Variants in SSMEM1 observed in about 807,000 individuals in gnomAD.
SSMEM1 encodes the protein serine-rich single-pass membrane protein 1.
A neutral mutation model predicts 9.9 loss-of-function variants in SSMEM1; 12 were observed. The ratio of observed to expected loss-of-function variants is 1.21; its 90% CI spans 0.78 to 1.96. The LOEUF is 1.96. Among genes scored for constraint, SSMEM1 ranks in the 30% most tolerant of loss-of-function variants. The pLI, the probability that SSMEM1 is intolerant of heterozygous loss-of-function variation, is 0.00. For synonymous variants in SSMEM1, 96 were observed against 98.9 expected, an observed-to-expected ratio of 0.97 and a Z score of 0.17; for missense variants, 259 against 292.2, an observed-to-expected ratio of 0.89 and a Z score of 0.83.
At chr7:130,209,602 C>T (rs991318537) in intron 1 of SSMEM1, among the ~76,000 whole-genome samples, 13 of 152,092 alleles carry the variant, frequency 8.5e-5, no homozygotes, top group African/African-American at 3.1e-4. Context: ...TTTTTTGAGA[C>T]GGAGTCTCGC....
At chr7:130,210,004 T>C (rs1264312673) in intron 1 of SSMEM1, among the ~76,000 whole-genome samples, 2 of 152,224 alleles carry the variant, frequency 1.3e-5, no homozygotes, top group Non-Finnish European at 2.9e-5. Flanking sequence ...AAGTTATCAT[T>C]ATCCCTCCCC....
upstream of SSMEM1, among the ~76,000 whole-genome samples, chr7:130,206,417 C>T (rs1394726645): frequency 6.6e-6 from 1 of 152,160 alleles, no homozygotes; most frequent in African/African-American, 2.4e-5. Flanking sequence ...CTGAAGTGTG[C>T]CTCCTAATAA....
Position 130,216,489 on chromosome 7 carries a change from T to C in SSMEM1, c.*19T>C. 6.2e-7 allele frequency: 1 copy of C among 1,604,180 alleles called. No individual in the cohort carries two copies. Among genetic ancestry groups the C allele is most frequent in the Admixed American group, 1.7e-5 (1 of 59,210 alleles). ...ATTTTGAATTTTATCACGTTCTTCC[T>C]TCACTTGAAGCCAAATGAAAGAGAT... On this transcript the variant is annotated 3_prime_UTR_variant, in exon 3 of 3. Transcript: ENST00000297819.
Position 130,216,157 on chromosome 7 carries a change from A to G in SSMEM1, c.422A>G (p.Asn141Ser). Residue 141 changes from asparagine to serine, a missense_variant, in exon 3 of 3, where the codon AAC becomes AGC. Asn to Ser is a conservative substitution (Grantham distance 46). Coordinates refer to ENST00000297819, the MANE Select transcript of SSMEM1 (RefSeq NM_145268.4). ...TCTCAGTTCAATGAGGTGAACCAGA[A>G]CCAACATGACAGTGATACTACGGAG... ...RQSQFNEVNQ[N>S]QHDSDTTEYG... is the part of the protein sequence containing the mutation. The G allele has an allele frequency of 1.2e-6, 2 of 1,614,204 alleles. No homozygotes were observed. The highest frequency in any genetic ancestry group is 1.7e-6 in the Non-Finnish European group (2 of 1,180,032).
chr7:130,215,442 C>G (rs1798686183), intron 2 of SSMEM1, among the ~76,000 whole-genome samples: 1 of 152,074 alleles, frequency 6.6e-6, no homozygotes, highest in Non-Finnish European at 1.5e-5. Context: ...TGAGTATTAC[C>G]TCTATTTTTA....
intron 2 of SSMEM1, among the ~76,000 whole-genome samples, chr7:130,214,678 T>A (rs1798669265): frequency 6.6e-6 from 1 of 152,200 alleles, no homozygotes; most frequent in African/African-American, 2.4e-5. Flanking sequence ...ATGTTGGAAC[T>A]TAACTTGGTT....
chr7:130,207,132 T>C (rs1460204355), upstream of SSMEM1, among the ~76,000 whole-genome samples: 1 of 152,210 alleles, frequency 6.6e-6, no homozygotes. Context: ...CTATAAGCTG[T>C]TGTGCATTTA....
At chr7:130,209,956 A>G (rs149688700) in intron 1 of SSMEM1, among the ~76,000 whole-genome samples, 35 of 152,340 alleles carry the variant, frequency 2.3e-4, no homozygotes, top group African/African-American at 7.0e-4. Context: ...CAGGACCTCA[A>G]GAGAGCATGT....
chr7:130,215,726 C>T lies in SSMEM1; in HGVS notation c.239-248C>T, dbSNP rs186597234. Among the ~76,000 whole-genome samples the T allele has an allele frequency of 1.3e-3, 203 of 152,280 alleles. 2 individuals carry two copies. Among genetic ancestry groups the T allele is most frequent in the African/African-American group, 4.6e-3 (190 of 41,556 alleles). Reference sequence around the variant, plus strand: ...TCTTTTCCTTTGACCTTATGTTTAGCATCCACAAAACTTCAAAAGTGATAT... The same window carrying T: ...TCTTTTCCTTTGACCTTATGTTTAGTATCCACAAAACTTCAAAAGTGATAT... On this transcript the variant is annotated intron_variant, in intron 2 of 2. Coordinates refer to ENST00000297819, the MANE Select transcript of SSMEM1 (RefSeq NM_145268.4).
upstream of SSMEM1, among the ~76,000 whole-genome samples, chr7:130,206,504 T>G (rs539455084): frequency 2.4e-4 from 36 of 152,280 alleles, 1 homozygote; most frequent in East Asian, 5.8e-3. Flanking sequence ...CCTAAAATGA[T>G]CCTAAGATTA....
At chr7:130,207,475 A>C (rs1282559787), upstream of SSMEM1, among the ~76,000 whole-genome samples, 1 of 152,206 alleles carries the variant, frequency 6.6e-6, no homozygotes, top group Non-Finnish European at 1.5e-5. Context: ...AAATAGAGTC[A>C]CACTGGAGGT....
At position 130,216,100 on chromosome 7, in the gene SSMEM1, C is replaced by G. The variant is rs1446460169; in HGVS notation, c.365C>G (p.Ala122Gly). ...AACTCAGAAGTGGCTTTGGTCAATG[C>G]CTATCCTGAACAAAGACGAGCCAGG... is the stretch of plus-strand genomic sequence containing the variant. The part of the protein sequence containing the change: ...VTNSEVALVN[A>G]YPEQRRARRQ... Residue 122 changes from alanine to glycine, a missense_variant, in exon 3 of 3, where the codon GCC becomes GGC. By Grantham distance (60) the Ala-to-Gly change is moderately conservative. Coordinates refer to ENST00000297819, the MANE Select transcript of SSMEM1 (RefSeq NM_145268.4). 1.2e-6 allele frequency: 2 copies of G among 1,614,036 alleles called. No homozygotes were observed. The highest frequency in any genetic ancestry group is 2.7e-5 in the African/African-American group (2 of 74,918).
intron 1 of SSMEM1, among the ~76,000 whole-genome samples, chr7:130,212,102 A>T (rs1481793154): frequency 6.6e-6 from 1 of 152,116 alleles, no homozygotes. Context: ...AGTTTTTGTT[A>T]TTTTCTGAAA....
intron 1 of SSMEM1, among the ~76,000 whole-genome samples, chr7:130,212,959 G>A (rs1393759912): frequency 6.6e-6 from 1 of 152,138 alleles, no homozygotes; most frequent in Non-Finnish European, 1.5e-5. Flanking sequence ...TTAATGGGAA[G>A]TGGAAGTAGG....
At chr7:130,205,777 C>T (rs138297953), upstream of SSMEM1, among the ~76,000 whole-genome samples, 37 of 152,288 alleles carry the variant, frequency 2.4e-4, no homozygotes, top group Middle Eastern at 3.4e-3. Context: ...TGGCCAGACA[C>T]CATCAGTGAC....
intron 2 of SSMEM1, among the ~76,000 whole-genome samples, chr7:130,215,063 G>C (rs981759330): frequency 5.9e-5 from 9 of 152,222 alleles, no homozygotes; most frequent in African/African-American, 2.2e-4. Context: ...AGCACTTTGG[G>C]TGGCCAAGGA....
At chr7:130,214,110 T>G (rs1451989989) in intron 2 of SSMEM1, among the ~76,000 whole-genome samples, 2 of 152,244 alleles carry the variant, frequency 1.3e-5, no homozygotes, top group African/African-American at 4.8e-5. Context: ...CCAAAACTCC[T>G]GTGTGTACAT....
upstream of SSMEM1, among the ~76,000 whole-genome samples, chr7:130,206,129 AT>A (rs745716947): frequency 6.6e-6 from 1 of 152,256 alleles, no homozygotes; most frequent in Non-Finnish European, 1.5e-5. Flanking sequence ...AGAGCTGCTC[AT>A]CCTGAGGAAA....
chr7:130,215,081 T>A (rs190334696), intron 2 of SSMEM1, among the ~76,000 whole-genome samples: 17 of 152,228 alleles, frequency 1.1e-4, no homozygotes, highest in African/African-American at 4.1e-4. Context: ...GGAGGGTGGA[T>A]CTCCTGAGGT....
Sources: gnomAD v4.1 joint callset for allele counts (sites outside exome capture counted in the v4.1 genomes callset) on GRCh38, gnomAD v4.1.1 for gene constraint, MANE v1.5 for transcripts, NCBI Gene and HGNC (gene_info 2026-07-23, HGNC 2026-07-21) for gene names.